MITF: variants seen among roughly 807,000 people sequenced by gnomAD.
MITF encodes microphthalmia-associated transcription factor.
MITF carries 17 observed loss-of-function variants against 60.5 expected under a neutral mutation model. The observed-to-expected ratio is 0.28, with a 90% CI of 0.19 to 0.42. The LOEUF (loss-of-function observed/expected upper bound fraction) is 0.42, where lower values mean the gene tolerates loss of function less well. MITF is among the 10% of genes least tolerant of loss of function. MITF has a pLI of 1.00. For synonymous variants in MITF, 260 were observed against 248.5 expected (o/e 1.05, Z -0.43); for missense variants, 622 against 683.5 (o/e 0.91, Z 1.00).
At chr3:69,745,686 A>G (rs1301695945) in intron 1 of MITF, among the ~76,000 whole-genome samples, 1 of 152,152 alleles carries the variant, frequency 6.6e-6, no homozygotes, top group Non-Finnish European at 1.5e-5. Context: ...TCATGGTGGC[A>G]GAGAGGCTGC....
chr3:69,810,947 T>C (rs140724528), intron 1 of MITF, among the ~76,000 whole-genome samples: 1 of 152,378 alleles, frequency 6.6e-6, no homozygotes, highest in Non-Finnish European at 1.5e-5. Context: ...CTAAAATATA[T>C]TGTTAAATGA....
intron 1 of MITF, among the ~76,000 whole-genome samples, chr3:69,748,156 T>C (rs1703800002): frequency 6.6e-6 from 1 of 152,200 alleles, no homozygotes; most frequent in South Asian, 2.1e-4. Context: ...TGCATTTAAT[T>C]TGACATCTTT....
At chr3:69,919,865 T>C (rs1213936201) in intron 2 of MITF, among the ~76,000 whole-genome samples, 1 of 152,108 alleles carries the variant, frequency 6.6e-6, no homozygotes, top group Admixed American at 6.5e-5. Flanking sequence ...GCTGCTGTTG[T>C]TGTTTTCAGA....
At chr3:69,795,104 T>C (rs2062807094) in intron 1 of MITF, among the ~76,000 whole-genome samples, 1 of 152,200 alleles carries the variant, frequency 6.6e-6, no homozygotes, top group African/African-American at 2.4e-5. Context: ...GTATTTTCTT[T>C]TGGGTAAATA....
rs145781221 is a variant in MITF at position 69,830,560 on chromosome 3, A to G, written c.105-48574A>G. On this transcript the variant is annotated intron_variant, in intron 1 of 9. Coordinates refer to ENST00000352241, the MANE Select transcript of MITF (RefSeq NM_001354604.2). ...GCTACCTTTAACATTTTCTGTGCTT[A>G]GTTATTTGGTTTATCAGGTTTATCA... is the stretch of plus-strand genomic sequence containing the variant. Among the ~76,000 whole-genome samples, 503 of 152,176 alleles carry G rather than the reference A, an allele frequency of 3.3e-3. 3 individuals carry two copies. The highest frequency in any genetic ancestry group is 0.012 in the South Asian group (56 of 4,808).
At chr3:69,846,671 G>T (rs1644908105) in intron 1 of MITF, among the ~76,000 whole-genome samples, 1 of 151,906 alleles carries the variant, frequency 6.6e-6, no homozygotes, top group African/African-American at 2.4e-5. Flanking sequence ...ACAAAAATTA[G>T]CCAGGCATGT....
intron 2 of MITF, chr3:69,937,106 T>G (rs2065856063): frequency 4.8e-6 from 1 of 206,404 alleles, no homozygotes; most frequent in Admixed American, 5.5e-5. Context: ...TGAATTAATG[T>G]CTGTAGGAAA....
chr3:69,949,253 A>G, intron 6 of MITF, 85 bp downstream of exon 6: 1 of 981,350 alleles, frequency 1.0e-6, no homozygotes, highest in Non-Finnish European at 1.7e-6. Flanking sequence ...TGATGTGCAA[A>G]CTATATCCAA....
At chr3:69,887,200 A>G (rs908191401) in intron 2 of MITF, among the ~76,000 whole-genome samples, 2 of 152,086 alleles carry the variant, frequency 1.3e-5, no homozygotes, top group Admixed American at 1.3e-4. Flanking sequence ...TCTCCTTCAC[A>G]AATATTACCT....
intron 9 of MITF, among the ~76,000 whole-genome samples, chr3:69,960,463 C>T (rs900157181): frequency 6.6e-6 from 1 of 152,072 alleles, no homozygotes; most frequent in South Asian, 2.1e-4. Context: ...AGGGGCTTGG[C>T]GTCTCTTGTT....
At chr3:69,873,356 A>G (rs899370707) in intron 1 of MITF, among the ~76,000 whole-genome samples, 2 of 152,140 alleles carry the variant, frequency 1.3e-5, no homozygotes, top group African/African-American at 4.8e-5. Flanking sequence ...CACCCAGACT[A>G]CCATTTAAAA....
intron 7 of MITF, among the ~76,000 whole-genome samples, chr3:69,955,549 C>T (rs2107528160): frequency 6.6e-6 from 1 of 152,234 alleles, no homozygotes; most frequent in Admixed American, 6.5e-5. Flanking sequence ...CGCAGTGGCT[C>T]ACACCTGTAA....
At chr3:69,821,935 G>T (rs1447687215) in intron 1 of MITF, among the ~76,000 whole-genome samples, 2 of 152,052 alleles carry the variant, frequency 1.3e-5, no homozygotes, top group African/African-American at 4.8e-5. Flanking sequence ...TAGAGATGGG[G>T]TTTCGCCATG....
chr3:69,809,192 A>T (rs1390105680), intron 1 of MITF, among the ~76,000 whole-genome samples: 3 of 152,184 alleles, frequency 2.0e-5, no homozygotes, highest in African/African-American at 7.2e-5. Flanking sequence ...CTGTTTTATA[A>T]ATAAAAATGG....
Position 69,936,765 on chromosome 3 carries a change from A to T in MITF, c.355-1057A>T, listed in dbSNP as rs765838451. On this transcript the variant is annotated intron_variant, in intron 2 of 9. Coordinates refer to ENST00000352241, the MANE Select transcript of MITF (RefSeq NM_001354604.2). Reference sequence around the variant, plus strand: ...ATATAATCACTATCAGGTGAGATTTATTCTGACTCATATTCAGTCTTTGAA... The same window carrying T: ...ATATAATCACTATCAGGTGAGATTTTTTCTGACTCATATTCAGTCTTTGAA... The T allele has an allele frequency of 3.7e-6, 6 of 1,611,850 alleles. No homozygotes were observed. The East Asian group carries it at 1.3e-4, about 36-fold the overall frequency.
chr3:69,748,744 TCACA>T (rs1310245995), intron 1 of MITF, among the ~76,000 whole-genome samples: 17 of 152,236 alleles, frequency 1.1e-4, no homozygotes, highest in Admixed American at 9.8e-4. Flanking sequence ...GCTGAATCAT[TCACA>T]CACATTCATC....
chr3:69,949,847 T>A (rs1021577823), intron 6 of MITF, among the ~76,000 whole-genome samples: 1 of 152,146 alleles, frequency 6.6e-6, no homozygotes, highest in African/African-American at 2.4e-5. Context: ...ATGGTGAATT[T>A]TATGGCCCTT....
At chr3:69,767,993 A>G (rs2062328229) in intron 1 of MITF, among the ~76,000 whole-genome samples, 1 of 152,228 alleles carries the variant, frequency 6.6e-6, no homozygotes, top group Non-Finnish European at 1.5e-5. Flanking sequence ...TACTGCTGAC[A>G]ATAAAGTGAC....
chr3:69,919,476 C>A (rs1362921571), intron 2 of MITF, among the ~76,000 whole-genome samples: 1 of 152,096 alleles, frequency 6.6e-6, no homozygotes, highest in South Asian at 2.1e-4. Flanking sequence ...GCCATTGAAG[C>A]ATTAGGATTA....
Sources: gnomAD v4.1 joint callset for allele counts (sites outside exome capture counted in the v4.1 genomes callset) on GRCh38, gnomAD v4.1.1 for gene constraint, MANE v1.5 for transcripts, NCBI Gene and HGNC (gene_info 2026-07-23, HGNC 2026-07-21) for gene names.